Variants in HELZ observed in about 807,000 individuals in gnomAD.
HELZ encodes helicase with zinc finger.
A neutral mutation model predicts 218.2 loss-of-function variants in HELZ; 23 were observed. That is an observed-to-expected ratio of 0.11 (90% CI 0.08 to 0.15). The LOEUF (loss-of-function observed/expected upper bound fraction) is 0.15, where lower values mean the gene tolerates loss of function less well. Ranked by LOEUF, HELZ falls within the 10% of genes least tolerant of loss-of-function variation. The pLI is 1.00. For synonymous variants in HELZ, 814 were observed against 829.4 expected (o/e 0.98, Z 0.32); for missense variants, 1,813 against 2,353.7 (o/e 0.77, Z 4.75).
At chr17:67,160,746 TG>T in intron 16 of HELZ, 150 bp downstream of exon 16, 2 of 570,114 alleles carry the variant, frequency 3.5e-6, no homozygotes, top group Non-Finnish European at 5.9e-6. Flanking sequence ...TTTAGTGCTC[TG>T]GGGTTTGGAT....
chr17:67,084,818 G>T (rs944163365), intron 32 of HELZ, among the ~76,000 whole-genome samples: 4 of 152,172 alleles, frequency 2.6e-5, no homozygotes, highest in Middle Eastern at 3.4e-3. Flanking sequence ...ATGAGTGAGT[G>T]TATTTATCCT....
In HELZ at chr17:67,203,453, A is replaced by G; in HGVS notation, c.248-10T>C. On this transcript the variant is annotated splice_polypyrimidine_tract_variant and intron_variant, in intron 5 of 32. Coordinates refer to ENST00000358691, the MANE Select transcript of HELZ (RefSeq NM_014877.4). ...AGTCCTTCTCCCAGCACTGCCATGA[A>G]AGAACAGCCATCATTAACCATATGA... The G allele has an allele frequency of 6.2e-7, 1 of 1,613,020 alleles. No individual in the cohort carries two copies. Among genetic ancestry groups the G allele is most frequent in the Non-Finnish European group, 8.5e-7 (1 of 1,179,522 alleles).
In HELZ at chr17:67,070,848, T is replaced by C. The variant is rs751471115; in HGVS notation, c.*7404A>G. On this transcript the variant is annotated 3_prime_UTR_variant, in exon 33 of 33. Transcript: ENST00000358691. Reference sequence around the variant, plus strand: ...CTGTATAACTGGTACTTTGAAGAGATGAACCTGACCACCTCAGTTTTGTAC... The same window carrying C: ...CTGTATAACTGGTACTTTGAAGAGACGAACCTGACCACCTCAGTTTTGTAC... 1 of 152,194 alleles carries C rather than the reference T, an allele frequency of 6.6e-6. No individual in the cohort carries two copies. The highest frequency in any genetic ancestry group is 2.4e-5 in the African/African-American group (1 of 41,452). The allele number at this position is 152,194 out of a possible 1,614,324, so 9.4% of individuals were successfully genotyped here.
At chr17:67,126,105 G>A (rs536744294) in intron 24 of HELZ, among the ~76,000 whole-genome samples, 1 of 152,276 alleles carries the variant, frequency 6.6e-6, no homozygotes, top group African/African-American at 2.4e-5. Flanking sequence ...TAAGGGCCCA[G>A]AAAGCCAATA....
At chr17:67,081,280 A>C (rs1037765981) in intron 32 of HELZ, among the ~76,000 whole-genome samples, 1 of 152,224 alleles carries the variant, frequency 6.6e-6, no homozygotes, top group Admixed American at 6.5e-5. Flanking sequence ...ATCTTATTTA[A>C]GGCACTGTAC....
intron 21 of HELZ, among the ~76,000 whole-genome samples, chr17:67,139,467 C>A (rs1474113148): frequency 2.0e-5 from 3 of 152,156 alleles, no homozygotes; most frequent in African/African-American, 7.2e-5. Context: ...AGAGTTCCCA[C>A]CTCTAAGCAA....
chr17:67,124,537 G>T (rs2037721220), intron 24 of HELZ, among the ~76,000 whole-genome samples: 2 of 152,036 alleles, frequency 1.3e-5, no homozygotes, highest in Non-Finnish European at 2.9e-5. Context: ...ACAAAAACAG[G>T]AAAAGGGGAA....
chr17:67,225,241 C>T (rs561152659), intron 3 of HELZ: 5 of 247,820 alleles, frequency 2.0e-5, no homozygotes, highest in African/African-American at 9.3e-5. Context: ...TCACAATGAC[C>T]CTATAAAGTA....
chr17:67,090,369 T>C (rs1358205520), intron 31 of HELZ, among the ~76,000 whole-genome samples: 1 of 152,200 alleles, frequency 6.6e-6, no homozygotes, highest in Non-Finnish European at 1.5e-5. Flanking sequence ...TGATTTTCTC[T>C]GTTTGTATTG....
rs1217596442 is a variant in HELZ, at chr17:67,191,281, CAA to C, written c.558-928_558-927del. Among the ~76,000 whole-genome samples, 3 of 152,084 alleles carry C rather than the reference CAA, an allele frequency of 2.0e-5. No homozygotes were observed. In the South Asian group the frequency reaches 6.2e-4, roughly 32 times the overall value. ...TTGAAGCTTTAAATAAATTTAGAAT[CAA>C]AGTTTTATATTACAGAGTCACAAAT... On this transcript the variant is annotated intron_variant, in intron 9 of 32. Transcript: ENST00000358691.
chr17:67,224,763 T>C, intron 3 of HELZ: 1 of 1,168,398 alleles, frequency 8.6e-7, no homozygotes, highest in Non-Finnish European at 1.3e-6. Context: ...GGACTTTCTG[T>C]AAGAAGTGTG....
At chr17:67,153,816 T>G (rs542620555) in intron 17 of HELZ, among the ~76,000 whole-genome samples, 90 of 152,366 alleles carry the variant, frequency 5.9e-4, no homozygotes, top group South Asian at 2.9e-3. Context: ...ATTTAAAAGG[T>G]ATGTTGTTTA....
chr17:67,118,753 T>C (rs976676552), intron 27 of HELZ, among the ~76,000 whole-genome samples: 5 of 134,302 alleles, frequency 3.7e-5, no homozygotes, highest in Non-Finnish European at 4.7e-5. Flanking sequence ...TTTCTAAATA[T>C]ATATCTCATT....
intron 31 of HELZ, among the ~76,000 whole-genome samples, chr17:67,100,483 G>C (rs769906435): frequency 6.6e-6 from 1 of 152,032 alleles, no homozygotes; most frequent in East Asian, 1.9e-4. Context: ...AGCCAACTCC[G>C]AGACTTTTAC....
intron 12 of HELZ, among the ~76,000 whole-genome samples, chr17:67,183,072 G>T (rs2039657710): frequency 6.6e-6 from 1 of 152,178 alleles, no homozygotes; most frequent in Admixed American, 6.5e-5. Flanking sequence ...AGAATGAGAT[G>T]AAATGCTTCC....
At chr17:67,130,043 G>A (rs1315031964) in intron 23 of HELZ, among the ~76,000 whole-genome samples, 1 of 152,066 alleles carries the variant, frequency 6.6e-6, no homozygotes, top group African/African-American at 2.4e-5. Context: ...AATGGGAATT[G>A]GGTTATTAAT....
chr17:67,213,349 C>A (rs970271596), intron 5 of HELZ, among the ~76,000 whole-genome samples: 1 of 152,134 alleles, frequency 6.6e-6, no homozygotes. Flanking sequence ...ATAGGCCGGG[C>A]GCAGTGGCTC....
chr17:67,099,717 CA>C (rs1298158414), intron 31 of HELZ, among the ~76,000 whole-genome samples: 2 of 152,138 alleles, frequency 1.3e-5, no homozygotes, highest in Non-Finnish European at 2.9e-5. Context: ...CAAGCCATTT[CA>C]CCTGTGTGTA....
chr17:67,112,406 T>G (rs7218840), intron 28 of HELZ, among the ~76,000 whole-genome samples: 2 of 152,016 alleles, frequency 1.3e-5, no homozygotes, highest in Non-Finnish European at 2.9e-5. Flanking sequence ...CCTCTGACTA[T>G]ATGTGCTGCT....
Sources: gnomAD v4.1 joint callset for allele counts (sites outside exome capture counted in the v4.1 genomes callset) on GRCh38, gnomAD v4.1.1 for gene constraint, MANE v1.5 for transcripts, NCBI Gene and HGNC (gene_info 2026-07-23, HGNC 2026-07-21) for gene names.